Variants in CAMTA1 observed in about 807,000 individuals in gnomAD.
CAMTA1 encodes calmodulin binding transcription activator 1, also known as calmodulin-binding transcription activator 1.
A neutral mutation model predicts 170.9 loss-of-function variants in CAMTA1; 27 were observed. The ratio of observed to expected loss-of-function variants is 0.16; its 90% CI spans 0.12 to 0.22. The LOEUF (loss-of-function observed/expected upper bound fraction) is 0.22. CAMTA1 is among the 10% of genes least tolerant of loss of function. The pLI, the probability that CAMTA1 is intolerant of heterozygous loss-of-function variation, is 1.00. For missense variants in CAMTA1, 1,619 were observed against 2,217.2 expected (o/e 0.73, Z 5.42); for synonymous variants, 833 against 891.5 (o/e 0.93, Z 1.17).
At chr1:7,006,776 A>C (rs1235820217) in intron 3 of CAMTA1, among the ~76,000 whole-genome samples, 5 of 152,098 alleles carry the variant, frequency 3.3e-5, no homozygotes, top group Non-Finnish European at 7.4e-5. Flanking sequence ...TCTCCATCTG[A>C]GCCCTAAGCT....
chr1:7,141,189 A>C (rs1457689886), intron 4 of CAMTA1, among the ~76,000 whole-genome samples: 1 of 152,142 alleles, frequency 6.6e-6, no homozygotes, highest in Non-Finnish European at 1.5e-5. Flanking sequence ...CCAGTTCCAG[A>C]AATCAAGAGT....
intron 3 of CAMTA1, among the ~76,000 whole-genome samples, chr1:7,013,087 C>T (rs781779609): frequency 2.2e-4 from 33 of 152,216 alleles, no homozygotes; most frequent in Middle Eastern, 3.4e-3. Flanking sequence ...ACCCTGTGGC[C>T]GTGACTTCAA....
At chr1:7,021,852 C>T (rs1317501305) in intron 3 of CAMTA1, among the ~76,000 whole-genome samples, 3 of 152,198 alleles carry the variant, frequency 2.0e-5, no homozygotes, top group Admixed American at 1.3e-4. Context: ...AGAGACCCAG[C>T]AGGGGGCATT....
intron 11 of CAMTA1, among the ~76,000 whole-genome samples, chr1:7,692,950 G>C (rs2096334899): frequency 6.6e-6 from 1 of 152,178 alleles, no homozygotes; most frequent in Non-Finnish European, 1.5e-5. Context: ...GAGAAGCCAG[G>C]GGAACCCCTC....
At chr1:7,000,330 G>A (rs1698039119) in intron 3 of CAMTA1, among the ~76,000 whole-genome samples, 1 of 152,222 alleles carries the variant, frequency 6.6e-6, no homozygotes, top group Admixed American at 6.5e-5. Context: ...CCTCTTGTTT[G>A]GGGGCATCTC....
At position 7,565,631 on chromosome 1, in the gene CAMTA1, T is replaced by C. The variant is rs548316712; in HGVS notation, c.511-74769T>C. On this transcript the variant is annotated intron_variant, in intron 6 of 22. Transcript: ENST00000303635. This position sits in a 1 kb window ranked among gnomAD's most constrained non-coding sequence, Gnocchi z 4.5. ...CCCAGGAGAGCCAGGTCCTGCTCCT[T>C]TGGGGAGGCTGCCTGGGGGCCTCAG... 7.2e-4 allele frequency among the ~76,000 whole-genome samples: 109 copies of C among 152,260 alleles called. No individual in the cohort carries two copies. The highest frequency in any genetic ancestry group is 2.7e-3 in the South Asian group (13 of 4,828).
intron 6 of CAMTA1, among the ~76,000 whole-genome samples, chr1:7,539,911 G>T (rs1346061117): frequency 6.6e-6 from 1 of 152,240 alleles, no homozygotes; most frequent in Non-Finnish European, 1.5e-5. Flanking sequence ...GGATCAAGCA[G>T]CGCCCTCTGC....
chr1:7,000,807 G>A (rs1698111136), intron 3 of CAMTA1, among the ~76,000 whole-genome samples: 1 of 152,148 alleles, frequency 6.6e-6, no homozygotes, highest in African/African-American at 2.4e-5. Flanking sequence ...ATGTTTTAAA[G>A]TGGTCAGATT....
intron 3 of CAMTA1, among the ~76,000 whole-genome samples, chr1:6,921,800 T>G (rs918135996): frequency 3.3e-5 from 5 of 152,180 alleles, no homozygotes; most frequent in African/African-American, 7.2e-5. Context: ...TTCGCTATTA[T>G]AAGAACAGCA....
intron 6 of CAMTA1, among the ~76,000 whole-genome samples, chr1:7,552,504 C>T (rs934725696): frequency 6.6e-6 from 1 of 152,230 alleles, no homozygotes; most frequent in Non-Finnish European, 1.5e-5. Flanking sequence ...GCCTGACACA[C>T]AGGGGTGGGA....
chr1:7,706,187 G>A (rs1006537246), intron 11 of CAMTA1, among the ~76,000 whole-genome samples: 6 of 152,220 alleles, frequency 3.9e-5, no homozygotes, highest in African/African-American at 1.4e-4. Flanking sequence ...ACTTTTACTT[G>A]ATAGGATTTC....
intron 5 of CAMTA1, among the ~76,000 whole-genome samples, chr1:7,284,132 CTT>C (rs1671921000): frequency 3.5e-5 from 2 of 56,388 alleles, no homozygotes; most frequent in African/African-American, 1.4e-4. Flanking sequence ...TGCTGTTCTT[CTT>C]CTTCTTCTTC....
intron 7 of CAMTA1, among the ~76,000 whole-genome samples, chr1:7,659,727 C>CA (rs2095938313): frequency 7.1e-6 from 1 of 140,366 alleles, no homozygotes; most frequent in African/African-American, 2.6e-5. Flanking sequence ...GGCCAGGCCC[C>CA]AGGCAGGGCC....
chr1:7,724,837 A>G (rs1270643635), intron 11 of CAMTA1, among the ~76,000 whole-genome samples: 1 of 151,414 alleles, frequency 6.6e-6, no homozygotes, highest in Non-Finnish European at 1.5e-5. Context: ...AAAAAAAAAA[A>G]GATCGCATGT....
At chr1:6,953,966 G>T (rs1301284554) in intron 3 of CAMTA1, among the ~76,000 whole-genome samples, 1 of 152,158 alleles carries the variant, frequency 6.6e-6, no homozygotes, top group African/African-American at 2.4e-5. Flanking sequence ...GAGTGCTGCT[G>T]ACCTGAGGGC....
intron 3 of CAMTA1, among the ~76,000 whole-genome samples, chr1:6,987,807 C>T (rs1695607461): frequency 6.6e-6 from 1 of 152,112 alleles, no homozygotes; most frequent in African/African-American, 2.4e-5. Flanking sequence ...ATCCAGGTTC[C>T]CCTTCTTCCC....
At chr1:7,494,540 A>G (rs2093794934) in intron 6 of CAMTA1, among the ~76,000 whole-genome samples, 1 of 152,184 alleles carries the variant, frequency 6.6e-6, no homozygotes, top group Non-Finnish European at 1.5e-5. Flanking sequence ...GCGGTGGCTT[A>G]CACCTGTAAT....
chr1:7,525,875 G>T (rs2094425891), intron 6 of CAMTA1, among the ~76,000 whole-genome samples: 1 of 152,044 alleles, frequency 6.6e-6, no homozygotes, highest in African/African-American at 2.4e-5. Flanking sequence ...GAGGGAGGCA[G>T]GCAAGACAGT....
intron 3 of CAMTA1, chr1:6,888,166 C>G: frequency 1.0e-6 from 1 of 982,312 alleles, no homozygotes; most frequent in Non-Finnish European, 1.2e-6. Flanking sequence ...ACAGTGCTGA[C>G]ACAGTGCAGA....
Sources: allele counts gnomAD v4.1 joint callset (sites outside exome capture counted in the v4.1 genomes callset), GRCh38; gene constraint gnomAD v4.1.1; non-coding constraint Gnocchi (gnomAD v3.1); transcripts MANE v1.5; gene names NCBI Gene and HGNC (gene_info 2026-07-23, HGNC 2026-07-21).